CDH12: variants seen among roughly 807,000 people sequenced by gnomAD.
CDH12 encodes the protein cadherin 12, also known as cadherin-12.
A neutral mutation model predicts 74.1 loss-of-function variants in CDH12; 41 were observed. The observed-to-expected ratio is 0.55, with a 90% CI of 0.43 to 0.72. The LOEUF is 0.72. Among genes scored for constraint, CDH12 ranks in the 30% least tolerant of loss-of-function variants. The pLI, the probability that CDH12 is intolerant of heterozygous loss-of-function variation, is 0.00. For synonymous variants in CDH12, 399 were observed against 355.0 expected (o/e 1.12, Z -1.39); for missense variants, 945 against 977.2 (o/e 0.97, Z 0.44).
chr5:22,841,238 T>C (rs891365585), intron 1 of CDH12, among the ~76,000 whole-genome samples: 12 of 152,134 alleles, frequency 7.9e-5, no homozygotes, highest in Non-Finnish European at 1.8e-4. Flanking sequence ...CTACACATAC[T>C]GTGGATGTAG....
chr5:22,226,646 G>T (rs906641740), intron 3 of CDH12, among the ~76,000 whole-genome samples: 2 of 152,080 alleles, frequency 1.3e-5, no homozygotes, highest in South Asian at 4.1e-4. Context: ...GATAACAAAT[G>T]GGTGTCCCAT....
intron 6 of CDH12, among the ~76,000 whole-genome samples, chr5:21,911,270 T>A (rs968522896): frequency 3.9e-5 from 6 of 152,264 alleles, no homozygotes; most frequent in African/African-American, 1.4e-4. Context: ...CAAATCCCAA[T>A]ACAGCCTATA....
chr5:22,498,647 T>C (rs1455532551), intron 2 of CDH12, among the ~76,000 whole-genome samples: 1 of 151,886 alleles, frequency 6.6e-6, no homozygotes, highest in Admixed American at 6.6e-5. Context: ...AAAATATACA[T>C]ATGATATATA....
chr5:22,064,022 AAC>A (rs374544574), intron 5 of CDH12, among the ~76,000 whole-genome samples: 1 of 121,670 alleles, frequency 8.2e-6, no homozygotes, highest in African/African-American at 3.3e-5. Context: ...CACACACACA[AAC>A]ACACACACAC....
In CDH12 at chr5:22,746,852, T is replaced by C. The variant is rs142122686; in HGVS notation, c.-523+106206A>G. On this transcript the variant is annotated intron_variant, in intron 1 of 14. Transcript: ENST00000382254. Reference sequence around the variant, plus strand: ...ACATCAGAATTTTTACACCTCAAACTATGACTGGAAAAGACAAAAGTATAT... The same window carrying C: ...ACATCAGAATTTTTACACCTCAAACCATGACTGGAAAAGACAAAAGTATAT... 3.0e-4 allele frequency among the ~76,000 whole-genome samples: 45 copies of C among 152,312 alleles called. No homozygotes were observed. In the East Asian group the frequency reaches 8.3e-3, roughly 28 times the overall value.
intron 1 of CDH12, among the ~76,000 whole-genome samples, chr5:22,740,152 C>T (rs999108324): frequency 4.6e-5 from 7 of 152,004 alleles, no homozygotes; most frequent in African/African-American, 1.7e-4. Flanking sequence ...TATGAACACT[C>T]CTTACATTGC....
At chr5:22,766,924 AC>A (rs1375537332) in intron 1 of CDH12, among the ~76,000 whole-genome samples, 3 of 152,054 alleles carry the variant, frequency 2.0e-5, no homozygotes. Context: ...AGATCTTGGA[AC>A]CAATTACTCA....
At chr5:22,844,279 C>A (rs1262039888) in intron 1 of CDH12, among the ~76,000 whole-genome samples, 1 of 151,992 alleles carries the variant, frequency 6.6e-6, no homozygotes, top group African/African-American at 2.4e-5. Context: ...AAGGGCAGGG[C>A]TTTGACTCAT....
chr5:21,877,355 C>T (rs1220854539), intron 6 of CDH12, among the ~76,000 whole-genome samples: 4 of 152,148 alleles, frequency 2.6e-5, no homozygotes, highest in African/African-American at 9.7e-5. Context: ...TTTCCACTGT[C>T]TCTTCCACAA....
At chr5:22,027,520 A>G (rs1738449859) in intron 5 of CDH12, among the ~76,000 whole-genome samples, 1 of 152,136 alleles carries the variant, frequency 6.6e-6, no homozygotes, top group Non-Finnish European at 1.5e-5. Flanking sequence ...CAGAGATTCA[A>G]CTTCTTCCTG....
Position 21,851,539 on chromosome 5 carries a change from T to C in CDH12, c.646+3132A>G, listed in dbSNP as rs148525164. 4.7e-3 allele frequency among the ~76,000 whole-genome samples: 713 copies of C among 151,080 alleles called. 1 individual carries two copies. Among genetic ancestry groups the C allele is most frequent in the Non-Finnish European group, 6.0e-3 (402 of 67,350 alleles). ...TAAATGTTAAGTATAATAAACATAA[T>C]TGTTTAATGTTTTATAGTTGTAGCT... is the stretch of plus-strand genomic sequence containing the variant. On this transcript the variant is annotated intron_variant, in intron 7 of 14. Coordinates refer to ENST00000382254, the MANE Select transcript of CDH12 (RefSeq NM_004061.5).
intron 5 of CDH12, among the ~76,000 whole-genome samples, chr5:21,991,827 C>T (rs1041041843): frequency 2.6e-5 from 4 of 151,716 alleles, no homozygotes; most frequent in Non-Finnish European, 5.9e-5. Context: ...AAGAACTTAG[C>T]TTGTTTTCTT....
intron 6 of CDH12, among the ~76,000 whole-genome samples, chr5:21,932,414 T>A (rs1483352481): frequency 6.6e-6 from 1 of 152,156 alleles, no homozygotes; most frequent in African/African-American, 2.4e-5. Context: ...GTGATTAAAA[T>A]AAAAGTCATT....
intron 8 of CDH12, among the ~76,000 whole-genome samples, chr5:21,826,085 G>C (rs986261551): frequency 6.6e-6 from 1 of 152,112 alleles, no homozygotes; most frequent in Non-Finnish European, 1.5e-5. Flanking sequence ...TGTTTATTCA[G>C]TCTTTCCTTT....
chr5:22,420,420 T>TAA (rs970264697), intron 2 of CDH12, among the ~76,000 whole-genome samples: 7 of 152,192 alleles, frequency 4.6e-5, no homozygotes, highest in Non-Finnish European at 7.3e-5. Context: ...GCACCATTAT[T>TAA]AAATAGAGAA....
At chr5:22,787,138 CCACACA>C (rs147255137) in intron 1 of CDH12, among the ~76,000 whole-genome samples, 1 of 148,662 alleles carries the variant, frequency 6.7e-6, no homozygotes, top group Non-Finnish European at 1.5e-5. Flanking sequence ...CACACACACA[CCACACA>C]CACACACACA....
chr5:22,708,479 G>A (rs1223894128), intron 1 of CDH12, among the ~76,000 whole-genome samples: 1 of 152,114 alleles, frequency 6.6e-6, no homozygotes, highest in Non-Finnish European at 1.5e-5. Flanking sequence ...CACTGAGTTT[G>A]GAGAAATGTG....
At chr5:21,908,817 C>A (rs1753747931) in intron 6 of CDH12, among the ~76,000 whole-genome samples, 1 of 152,130 alleles carries the variant, frequency 6.6e-6, no homozygotes, top group Admixed American at 6.6e-5. Flanking sequence ...GTTCTTCAGA[C>A]TTTTGGAATC....
intron 5 of CDH12, 110 bp from the exon 6 acceptor site, chr5:21,975,495 T>G: frequency 1.5e-6 from 1 of 675,518 alleles, no homozygotes. Flanking sequence ...TACAATTCCT[T>G]TAATCAAAAA....
Sources: allele counts gnomAD v4.1 joint callset (sites outside exome capture counted in the v4.1 genomes callset), GRCh38; gene constraint gnomAD v4.1.1; transcripts MANE v1.5; gene names NCBI Gene and HGNC (gene_info 2026-07-23, HGNC 2026-07-21).